Variants in FGR observed in about 807,000 individuals in gnomAD.
FGR encodes tyrosine-protein kinase Fgr.
FGR carries 26 observed loss-of-function variants against 63.2 expected under a neutral mutation model. The observed-to-expected ratio is 0.41, with a 90% CI of 0.30 to 0.57. The LOEUF is 0.57. FGR is among the 20% of genes least tolerant of loss of function. FGR has a pLI of 0.27. For synonymous variants in FGR, 286 were observed against 277.7 expected (o/e 1.03, Z -0.30); for missense variants, 511 against 690.8 (o/e 0.74, Z 2.92).
Position 27,623,736 on chromosome 1 carries a change from T to A in FGR, c.181A>T (p.Ile61Phe), listed in dbSNP as rs775929271. Residue 61 changes from isoleucine to phenylalanine, a missense_variant, in exon 3 of 13, where the codon ATC becomes TTC. By Grantham distance (21) the Ile-to-Phe change is conservative. Coordinates refer to ENST00000374005, the MANE Select transcript of FGR (RefSeq NM_005248.3). Reference sequence around the variant, plus strand: ...CCACTATCAAGGAAGCCAGGGTTGATGGCCTGAGAGGAGAAGTTGCTGTAG... The same window carrying A: ...CCACTATCAAGGAAGCCAGGGTTGAAGGCCTGAGAGGAGAAGTTGCTGTAG... The part of the protein sequence containing the change: ...PNYSNFSSQA[I>F]NPGFLDSGTI... The A allele has an allele frequency of 1.9e-6, 3 of 1,614,206 alleles. No individual in the cohort carries two copies. Among genetic ancestry groups the A allele is most frequent in the Non-Finnish European group, 2.5e-6 (3 of 1,180,028 alleles).
intron 4 of FGR, 62 bp from the exon 5 acceptor site, chr1:27,621,719 A>G: frequency 8.4e-7 from 1 of 1,192,810 alleles, no homozygotes; most frequent in South Asian, 1.2e-5. Context: ...CCCTGAGGCC[A>G]GGTGGAGCCA....
rs1266471218 is a variant in FGR at position 27,616,359 on chromosome 1, C to A, written c.682+498G>T. Among the ~76,000 whole-genome samples, 3 of 152,226 alleles carry A rather than the reference C, an allele frequency of 2.0e-5. No homozygotes were observed. Among genetic ancestry groups the A allele is most frequent in the Admixed American group, 6.5e-5 (1 of 15,288 alleles). ...CTGCTTCATCTTTACTCCACTGCCA[C>A]CGATTTAGTCTGGCCTCCACCACCT... On this transcript the variant is annotated intron_variant, in intron 7 of 12. Transcript: ENST00000374005. The surrounding 1 kb of genome is among the most constrained non-coding windows in gnomAD (Gnocchi z 4.3).
Position 27,618,304 on chromosome 1 carries a change from T to A in FGR, c.429-1008A>T, listed in dbSNP as rs564395749. On this transcript the variant is annotated intron_variant, in intron 5 of 12. Coordinates refer to ENST00000374005, the MANE Select transcript of FGR (RefSeq NM_005248.3). ...ATGACATTAGCTACCTCCTTAATAA[T>A]CACTATAATAATAACACACATATTT... Among the ~76,000 whole-genome samples, 11 of 152,244 alleles carry A rather than the reference T, an allele frequency of 7.2e-5. No homozygotes were observed. The East Asian group carries it at 2.1e-3, about 29-fold the overall frequency.
chr1:27,627,564 C>T (rs1280746015), intron 1 of FGR, among the ~76,000 whole-genome samples: 1 of 152,142 alleles, frequency 6.6e-6, no homozygotes, highest in African/African-American at 2.4e-5. Flanking sequence ...CCTATATTAT[C>T]TCATTTTATC....
At chr1:27,620,490 A>G (rs1160246909) in intron 5 of FGR, among the ~76,000 whole-genome samples, 2 of 151,192 alleles carry the variant, frequency 1.3e-5, no homozygotes, top group Non-Finnish European at 3.0e-5. Context: ...GGTGGCACAC[A>G]CCGGTAGTAT....
At chr1:27,613,187 C>G in intron 12 of FGR, 32 bp downstream of exon 12, 1 of 1,610,512 alleles carries the variant, frequency 6.2e-7, no homozygotes, top group Non-Finnish European at 8.5e-7. Flanking sequence ...GTGACCATCC[C>G]CCACCCCAGC....
In FGR at chr1:27,615,973, G is replaced by A. The variant is rs1187643691; in HGVS notation, c.683-129C>T. ...GAACTAGGCCCCAAGTGAGGTCACA[G>A]GCCAGGAAGAAAGGCAACCCGATCC... On this transcript the variant is annotated intron_variant, in intron 7 of 12. Coordinates refer to ENST00000374005, the MANE Select transcript of FGR (RefSeq NM_005248.3). The surrounding 1 kb of genome is among the most constrained non-coding windows in gnomAD (Gnocchi z 7.6). 4 of 1,085,218 alleles carry A rather than the reference G, an allele frequency of 3.7e-6. No homozygotes were observed. The Admixed American group carries it at 1.2e-4, about 34-fold the overall frequency. The allele number at this position is 1,085,218 out of a possible 1,614,324, so 67.2% of individuals were successfully genotyped here.
Position 27,631,424 on chromosome 1 carries a change from G to A in FGR, c.-77+3641C>T, listed in dbSNP as rs2090102794. Among the ~76,000 whole-genome samples, 11 of 152,268 alleles carry A rather than the reference G, an allele frequency of 7.2e-5. No individual in the cohort carries two copies. The South Asian group carries it at 2.3e-3, about 31-fold the overall frequency. On this transcript the variant is annotated intron_variant, in intron 1 of 12. Transcript: ENST00000374005. Reference sequence around the variant, plus strand: ...TGCCAGTTCTTTGATGTAGACACAGGATGTCCTGCCCCCGCAACCCTCACC... The same window carrying A: ...TGCCAGTTCTTTGATGTAGACACAGAATGTCCTGCCCCCGCAACCCTCACC...
rs532938101 is a variant in FGR, at chr1:27,617,828, C to T, written c.429-532G>A. On this transcript the variant is annotated intron_variant, in intron 5 of 12. Transcript: ENST00000374005. This position sits in a 1 kb window ranked among gnomAD's most constrained non-coding sequence, Gnocchi z 4.5. Reference sequence around the variant, plus strand: ...TGCTTCTCTTCTCTCTGGCTGCTCCCGCCCCGGCTACTGCTCTTCCTGCAC... The same window carrying T: ...TGCTTCTCTTCTCTCTGGCTGCTCCTGCCCCGGCTACTGCTCTTCCTGCAC... Among the ~76,000 whole-genome samples, 8 of 152,336 alleles carry T rather than the reference C, an allele frequency of 5.3e-5. No individual in the cohort carries two copies. The highest frequency in any genetic ancestry group is 3.9e-4 in the East Asian group (2 of 5,192).
chr1:27,614,685 G>C, intron 10 of FGR, 102 bp from the exon 11 acceptor site: 3 of 1,440,272 alleles, frequency 2.1e-6, no homozygotes, highest in South Asian at 1.3e-5. Flanking sequence ...CTTTCCAGAG[G>C]GGGAGACTGA....
At chr1:27,618,542 G>A (rs929400089) in intron 5 of FGR, among the ~76,000 whole-genome samples, 1 of 151,972 alleles carries the variant, frequency 6.6e-6, no homozygotes, top group African/African-American at 2.4e-5. Flanking sequence ...GGTGACACTG[G>A]CTCCAAGATG....
intron 1 of FGR, chr1:27,626,457 C>A: frequency 2.9e-6 from 1 of 344,002 alleles, no homozygotes; most frequent in East Asian, 4.3e-5. Context: ...TAGCACCACT[C>A]ACCTCTTCCA....
Position 27,615,447 on chromosome 1 carries a change from C to T in FGR, c.1005G>A (p.Glu335=). The change falls in exon 9 of 13, where the codon GAG becomes GAA. Residue 335 remains glutamate, a synonymous_variant. Coordinates refer to ENST00000374005, the MANE Select transcript of FGR (RefSeq NM_005248.3). This position sits in a 1 kb window ranked among gnomAD's most constrained non-coding sequence, Gnocchi z 7.6. ...CCGCCTCCTGACCGTGACACATGAACTCGGTCACGATGTAGATGGGCTCCT... is the reference window on the plus strand; with the variant it reads ...CCGCCTCCTGACCGTGACACATGAATTCGGTCACGATGTAGATGGGCTCCT... ...VSEEPIYIVT[E]FMCHGSLLDF... is the part of the protein sequence containing the mutation. 1 of 1,599,456 alleles carries T rather than the reference C, an allele frequency of 6.3e-7. No homozygotes were observed. The highest frequency in any genetic ancestry group is 8.6e-7 in the Non-Finnish European group (1 of 1,167,722).
At chr1:27,622,157 C>T (rs961756569) in intron 4 of FGR, among the ~76,000 whole-genome samples, 1 of 151,896 alleles carries the variant, frequency 6.6e-6, no homozygotes, top group Non-Finnish European at 1.5e-5. Context: ...ACTGAAAATA[C>T]AAAAAATTAG....
chr1:27,630,564 G>C (rs1029793831), intron 1 of FGR, among the ~76,000 whole-genome samples: 7 of 148,698 alleles, frequency 4.7e-5, no homozygotes, highest in Non-Finnish European at 7.4e-5. Context: ...GGCGCAGGTG[G>C]GGGGAGGGAG....
At chr1:27,614,829 A>C in intron 10 of FGR, 21 bp downstream of exon 10, 1 of 1,572,926 alleles carries the variant, frequency 6.4e-7, no homozygotes, top group Non-Finnish European at 8.7e-7. Context: ...TCCGGGAGGT[A>C]AAGGCTGCTG....
At chr1:27,623,243 C>A in intron 3 of FGR, 99 bp from the exon 4 acceptor site, 1 of 836,866 alleles carries the variant, frequency 1.2e-6, no homozygotes, top group Non-Finnish European at 2.0e-6. Context: ...GCTGCACCTC[C>A]CCACTCCTTT....
Position 27,632,143 on chromosome 1 carries a change from T to C in FGR, c.-77+2922A>G, listed in dbSNP as rs12030224. On this transcript the variant is annotated intron_variant, in intron 1 of 12. Coordinates refer to ENST00000374005, the MANE Select transcript of FGR (RefSeq NM_005248.3). ...TGTTCTTCTTCTTCTTCTTCTTCTT[T>C]TTTTTTTTTTTGAAACAGTGTCTCA... 3.1e-3 allele frequency among the ~76,000 whole-genome samples: 433 copies of C among 140,786 alleles called. 4 individuals are homozygous for C. The highest frequency in any genetic ancestry group is 5.8e-3 in the Admixed American group (84 of 14,592). 92.4% of individuals were successfully genotyped at this position (140,786 alleles called of 152,430 possible).
At chr1:27,632,640 T>C (rs982732493) in intron 1 of FGR, among the ~76,000 whole-genome samples, 2 of 152,052 alleles carry the variant, frequency 1.3e-5, no homozygotes, top group African/African-American at 4.8e-5. Context: ...GTAAAAGTGG[T>C]TTTCCACCTG....
Sources: allele counts gnomAD v4.1 joint callset (sites outside exome capture counted in the v4.1 genomes callset), GRCh38; gene constraint gnomAD v4.1.1; non-coding constraint Gnocchi (gnomAD v3.1); transcripts MANE v1.5; gene names NCBI Gene and HGNC (gene_info 2026-07-23, HGNC 2026-07-21).